The following KIAA1210 variants were observed in gnomAD, a reference collection of about 807,000 sequenced individuals.
KIAA1210 encodes acrosomal protein KIAA1210.
KIAA1210 carries 48 observed loss-of-function variants against 78.9 expected under a neutral mutation model. The observed-to-expected ratio is 0.61, with a 90% CI of 0.48 to 0.77. KIAA1210 has a LOEUF of 0.77. Ranked by LOEUF, KIAA1210 falls within the 30% of genes least tolerant of loss-of-function variation. The pLI, the probability that KIAA1210 is intolerant of heterozygous loss-of-function variation, is 0.00. For synonymous variants in KIAA1210, 406 were observed against 404.5 expected (o/e 1.00, Z -0.04); for missense variants, 1,108 against 1,100.0 (o/e 1.01, Z -0.10).
Position 119,088,372 on chromosome X carries a change from G to A in KIAA1210, c.2330C>T (p.Pro777Leu), listed in dbSNP as rs1927235628. ...EPIPPRHPFQPWVNPKVEQEV... is the reference protein window; with the variant it reads ...EPIPPRHPFQLWVNPKVEQEV... ...TTGCTCCACTTTAGGGTTCACCCAT[G>A]GCTGGAAAGGGTGTCTTGGAGGGAT... The change falls in exon 9 of 12, where the codon CCA becomes CTA. Residue 777 changes from proline to leucine, a missense_variant. Pro to Leu is a moderately conservative substitution (Grantham distance 98, BLOSUM62 -3). This residue lies in a region of KIAA1210 where 672 missense variants were observed against 607.1 expected (regional missense o/e 1.11). Transcript: ENST00000691062. 8.3e-7 allele frequency: 1 copy of A among 1,210,934 alleles called. No individual in the cohort carries two copies. Among genetic ancestry groups the A allele is most frequent in the African/African-American group, 1.7e-5 (1 of 57,747 alleles).
At position 119,126,082 on chromosome X, in the gene KIAA1210, T is replaced by A. The variant is rs1160133185; in HGVS notation, c.-11+1645A>T. Among the ~76,000 whole-genome samples the A allele has an allele frequency of 5.5e-5, 6 of 108,979 alleles. No individual in the cohort carries two copies. In the East Asian group the frequency reaches 1.8e-3, roughly 32 times the overall value. The allele number at this position is 108,979 out of a possible 115,157, so 94.6% of individuals were successfully genotyped here. A position where few individuals can be genotyped will look rare whatever the true frequency, so the allele number is the denominator to read the frequency against. ...AAGTGGGGTTAAGTAGATTCTGGAA[T>A]CCCCTTGCCACTCCAGATCTGCTCT... On this transcript the variant is annotated intron_variant, in intron 1 of 11. Transcript: ENST00000691062.
intron 2 of KIAA1210, among the ~76,000 whole-genome samples, chrX:119,122,061 A>ATTTT (rs781688572): frequency 0.031 from 1,729 of 56,341 alleles, 102 homozygotes; most frequent in Admixed American, 0.05. Flanking sequence ...CGCGCCCGGC[A>ATTTT]TTTTTTTTTT....
intron 3 of KIAA1210, among the ~76,000 whole-genome samples, chrX:119,109,817 C>T (rs7056710): frequency 0.012 from 1,339 of 111,726 alleles, 24 homozygotes; most frequent in African/African-American, 0.042. Flanking sequence ...CACACAAGAG[C>T]TCTACAATAT....
intron 2 of KIAA1210, among the ~76,000 whole-genome samples, chrX:119,138,331 G>A (rs1337032845): frequency 3.0e-5 from 3 of 100,968 alleles, no homozygotes; most frequent in African/African-American, 1.1e-4. Flanking sequence ...CAATTCTCAT[G>A]CCTCAGCTTC....
At position 119,089,886 on chromosome X, in the gene KIAA1210, G is replaced by T. The variant is rs934710530; in HGVS notation, c.956-140C>A. On this transcript the variant is annotated intron_variant, in intron 8 of 11. Transcript: ENST00000691062. ...GGAAGCAGCTATTTGGAAGACAGAG[G>T]GCAACATGGTCACTATTAGGTTTCT... 3 of 526,588 alleles carry T rather than the reference G, an allele frequency of 5.7e-6. No homozygotes were observed. The African/African-American group carries it at 7.1e-5, about 12-fold the overall frequency. 43.4% of individuals were successfully genotyped at this position (526,588 alleles called of 1,213,427 possible). A position where few individuals can be genotyped will look rare whatever the true frequency, so the allele number is the denominator to read the frequency against.
rs775061894 is a variant in KIAA1210, at chrX:119,096,067, G to C, written c.846+427C>G. ...AACTAAGTTCTGGATGTTTAGGGTTGCTGAAAGCTTGATCTCCAAATAAGT... is the reference window on the plus strand; with the variant it reads ...AACTAAGTTCTGGATGTTTAGGGTTCCTGAAAGCTTGATCTCCAAATAAGT... On this transcript the variant is annotated intron_variant, in intron 7 of 11. Transcript: ENST00000691062. Among the ~76,000 whole-genome samples the C allele has an allele frequency of 3.6e-5, 4 of 112,049 alleles. No homozygotes were observed. The South Asian group carries it at 1.5e-3, about 43-fold the overall frequency.
At chrX:119,093,449 A>G (rs917530214) in intron 8 of KIAA1210, among the ~76,000 whole-genome samples, 1 of 112,230 alleles carries the variant, frequency 8.9e-6, no homozygotes, top group African/African-American at 3.2e-5. Context: ...GAATCCAGGT[A>G]TGATCCTTTA....
chrX:119,119,065 C>T (rs1569320322), intron 2 of KIAA1210, among the ~76,000 whole-genome samples: 1 of 112,077 alleles, frequency 8.9e-6, no homozygotes, highest in African/African-American at 3.2e-5. Flanking sequence ...CTTCAGCATA[C>T]GATAATTTAA....
At chrX:119,083,926 G>A (rs1038974941) in intron 10 of KIAA1210, among the ~76,000 whole-genome samples, 4 of 100,558 alleles carry the variant, frequency 4.0e-5, no homozygotes, top group African/African-American at 1.5e-4. Flanking sequence ...TTGAGCCTGG[G>A]AGGTTGACAC....
intron 2 of KIAA1210, among the ~76,000 whole-genome samples, chrX:119,135,475 T>C (rs1013549804): frequency 6.3e-5 from 7 of 111,243 alleles, no homozygotes; most frequent in Admixed American, 2.9e-4. Context: ...TGTTCCAGCA[T>C]TGGGGAGGAG....
At position 119,096,558 on chromosome X, in the gene KIAA1210, G is replaced by T; in HGVS notation, c.782C>A (p.Ser261Tyr). 1 of 1,211,554 alleles carries T rather than the reference G, an allele frequency of 8.3e-7. No homozygotes were observed. The highest frequency in any genetic ancestry group is 1.1e-6 in the Non-Finnish European group (1 of 895,285). ...TPATTQGCLD[S>Y]SAARHKMTLN... ...AGTCATTTTGTGGCGAGCAGCTGAAGAATCCAAACAGCCCTGGGTGGTGGC... is the reference window on the plus strand; with the variant it reads ...AGTCATTTTGTGGCGAGCAGCTGAATAATCCAAACAGCCCTGGGTGGTGGC... The change falls in exon 7 of 12, where the codon TCT becomes TAT. Residue 261 changes from serine to tyrosine, a missense_variant. Around this residue, in one of 5 missense-constraint regions of KIAA1210, gnomAD observed 672 missense variants for 607.1 expected, o/e 1.11. Transcript: ENST00000691062.
intron 2 of KIAA1210, among the ~76,000 whole-genome samples, chrX:119,142,400 T>C: frequency 8.9e-6 from 1 of 112,026 alleles, no homozygotes; most frequent in South Asian, 3.8e-4. Flanking sequence ...TGTACAAGAC[T>C]ACCAGCATCT....
At position 119,086,848 on chromosome X, in the gene KIAA1210, T is replaced by G; in HGVS notation, c.3854A>C (p.Asn1285Thr). 1.7e-6 allele frequency: 2 copies of G among 1,211,548 alleles called. No homozygotes were observed. The highest frequency in any genetic ancestry group is 2.2e-6 in the Non-Finnish European group (2 of 895,423). The change falls in exon 9 of 12, where the codon AAC becomes ACC. Residue 1285 changes from asparagine (N) to threonine (T), a missense_variant. Asn to Thr is a moderately conservative substitution (Grantham distance 65). Coordinates refer to ENST00000691062, the MANE Select transcript of KIAA1210 (RefSeq NM_001394962.1). The stretch of plus-strand genomic sequence containing the variant: ...CTGATTGGATAGGTTTGCATGCTGG[T>G]TATTATTACCATCACCACTCTCAAG... Reference protein sequence around the residue: ...EDLESGDGNNNQHANLSNQDD... With the variant: ...EDLESGDGNNTQHANLSNQDD...
chrX:119,126,495 G>A (rs1224336024), intron 1 of KIAA1210, among the ~76,000 whole-genome samples: 4 of 112,174 alleles, frequency 3.6e-5, no homozygotes, highest in African/African-American at 1.3e-4. Flanking sequence ...ACTTTTATGA[G>A]TTAATATTAC....
chrX:119,136,796 T>C (rs1928923592), intron 2 of KIAA1210, among the ~76,000 whole-genome samples: 1 of 112,395 alleles, frequency 8.9e-6, no homozygotes, highest in African/African-American at 3.2e-5. Flanking sequence ...CAGATTTCTT[T>C]AACCCTGATC....
At chrX:119,136,696 T>C (rs1431343391) in intron 2 of KIAA1210, among the ~76,000 whole-genome samples, 1 of 111,792 alleles carries the variant, frequency 8.9e-6, no homozygotes, top group Admixed American at 9.5e-5. Context: ...AGAAAATTTC[T>C]AAAAATATTT....
In KIAA1210 at chrX:119,108,371, C is replaced by A; in HGVS notation, c.458G>T (p.Ser153Ile). 2 of 1,210,848 alleles carry A rather than the reference C, an allele frequency of 1.7e-6. No homozygotes were observed. Among genetic ancestry groups the A allele is most frequent in the Non-Finnish European group, 2.2e-6 (2 of 895,145 alleles). The stretch of plus-strand genomic sequence containing the variant: ...CTTGGGGCCAGCAACCCAGACTGCA[C>A]TTGTAGGCACATTTTGAAGCACAGC... ...SGAVLQNVPT[S>I]AVWVAGPKIT... is the part of the protein sequence containing the mutation. Residue 153 changes from serine (S) to isoleucine (I), a missense_variant, in exon 5 of 12, where the codon AGT becomes ATT. Physicochemically the swap from Ser to Ile is moderately radical, Grantham distance 142. This residue lies in a region of KIAA1210 where 672 missense variants were observed against 607.1 expected (regional missense o/e 1.11). Transcript: ENST00000691062.
chrX:119,117,569 CTTTT>C (rs754223193), intron 2 of KIAA1210, among the ~76,000 whole-genome samples: 4 of 91,829 alleles, frequency 4.4e-5, no homozygotes, highest in Admixed American at 1.3e-4. Context: ...TTGGGCTTTA[CTTTT>C]TTTTTTTTTT....
At chrX:119,136,865 T>C (rs1417515921) in intron 2 of KIAA1210, among the ~76,000 whole-genome samples, 1 of 110,536 alleles carries the variant, frequency 9.0e-6, no homozygotes, top group African/African-American at 3.3e-5. Context: ...GTGGGAAGAG[T>C]TATCCGAAGG....
Sources: gnomAD v4.1 joint callset for allele counts (sites outside exome capture counted in the v4.1 genomes callset) on GRCh38, gnomAD v4.1.1 for gene constraint, gnomAD v4.1.1 regional missense constraint, MANE v1.5 for transcripts, NCBI Gene and HGNC (gene_info 2026-07-23, HGNC 2026-07-21) for gene names.